CYB5R4: variants seen among roughly 807,000 people sequenced by gnomAD.
CYB5R4 encodes cytochrome b5 reductase 4, also known as N-terminal cytochrome b5 and cytochrome b5 oxidoreductase domain-containing protein.
CYB5R4 carries 55 observed loss-of-function variants against 70.2 expected under a neutral mutation model. The ratio of observed to expected loss-of-function variants is 0.78; its 90% confidence interval spans 0.63 to 0.98. The LOEUF is 0.98. Ranked by LOEUF, CYB5R4 falls within the 50% of genes least tolerant of loss-of-function variation. CYB5R4 has a pLI of 0.00. For missense variants in CYB5R4, 562 were observed against 612.6 expected (o/e 0.92, Z 0.87); for synonymous variants, 197 against 199.5 (o/e 0.99, Z 0.11).
At chr6:83,870,000 T>C (rs2099457316) in intron 2 of CYB5R4, among the ~76,000 whole-genome samples, 1 of 152,220 alleles carries the variant, frequency 6.6e-6, no homozygotes, top group Admixed American at 6.5e-5. Flanking sequence ...TAGGTTTCAT[T>C]CAGACCTGAG....
At position 83,859,861 on chromosome 6, in the gene CYB5R4, A is replaced by G. The variant is rs778739300; in HGVS notation, c.75+4A>G. On this transcript the variant is annotated splice_donor_region_variant and intron_variant, in intron 1 of 15. Coordinates refer to ENST00000369681, the MANE Select transcript of CYB5R4 (RefSeq NM_016230.4). The stretch of plus-strand genomic sequence containing the variant: ...CGCCTCCGGGGGGCGTAGCAAGGTA[A>G]GCGGGTGGCTCCGTGAGTCTCTCCC... The G allele has an allele frequency of 1.9e-6, 3 of 1,610,510 alleles. No homozygotes were observed. The African/African-American group carries it at 4.0e-5, about 22-fold the overall frequency.
Position 83,864,263 on chromosome 6 carries a change from T to C in CYB5R4, c.164T>C (p.Ile55Thr). 6.2e-7 allele frequency: 1 copy of C among 1,613,556 alleles called. No individual in the cohort carries two copies. The highest frequency in any genetic ancestry group is 1.1e-5 in the South Asian group (1 of 91,048). The change falls in exon 2 of 16, where the codon ATT (isoleucine) becomes ACT (threonine). Residue 55 changes from isoleucine to threonine, a missense_variant. Ile to Thr is a moderately conservative substitution (Grantham distance 89). Coordinates refer to ENST00000369681, the MANE Select transcript of CYB5R4 (RefSeq NM_016230.4). Reference sequence around the variant, plus strand: ...CTAACGGGATTAAAAGGCAGGTTAATTGAAGTAACTGAAGAAGAACTTAAG... The same window carrying C: ...CTAACGGGATTAAAAGGCAGGTTAACTGAAGTAACTGAAGAAGAACTTAAG... ...KDLTGLKGRL[I>T]EVTEEELKKH...
chr6:83,862,374 G>A (rs538232034), intron 1 of CYB5R4, among the ~76,000 whole-genome samples: 1 of 152,340 alleles, frequency 6.6e-6, no homozygotes, highest in South Asian at 2.1e-4. Flanking sequence ...TAGGTTGCAT[G>A]AAATAGTGAA....
intron 2 of CYB5R4, among the ~76,000 whole-genome samples, chr6:83,884,363 A>T (rs901029148): frequency 1.3e-5 from 2 of 152,076 alleles, no homozygotes; most frequent in African/African-American, 4.8e-5. Flanking sequence ...TCCAGCTAGT[A>T]AATTTTATTA....
At chr6:83,948,051 C>T (rs2099470914) in intron 14 of CYB5R4, among the ~76,000 whole-genome samples, 1 of 152,172 alleles carries the variant, frequency 6.6e-6, no homozygotes, top group Admixed American at 6.5e-5. Context: ...AATCATTCTA[C>T]TGTAAAGATA....
At chr6:83,911,248 TA>T (rs956370581) in intron 4 of CYB5R4, among the ~76,000 whole-genome samples, 3 of 151,074 alleles carry the variant, frequency 2.0e-5, no homozygotes, top group East Asian at 3.9e-4. Flanking sequence ...CTACAAAAAT[TA>T]AAAAAAAATT....
At chr6:83,922,879 C>G (rs2099466622) in intron 9 of CYB5R4, among the ~76,000 whole-genome samples, 1 of 152,088 alleles carries the variant, frequency 6.6e-6, no homozygotes, top group Non-Finnish European at 1.5e-5. Context: ...ACCTCTGCCT[C>G]TCAGGCTGAA....
chr6:83,893,115 A>AT (rs2099461386), intron 2 of CYB5R4, among the ~76,000 whole-genome samples: 1 of 152,188 alleles, frequency 6.6e-6, no homozygotes, highest in South Asian at 2.1e-4. Flanking sequence ...CTTATAAAAG[A>AT]TTCCAGTTTC....
chr6:83,877,590 C>T (rs943892600), intron 2 of CYB5R4, among the ~76,000 whole-genome samples: 1 of 152,040 alleles, frequency 6.6e-6, no homozygotes, highest in Non-Finnish European at 1.5e-5. Flanking sequence ...CTCCTTTTGA[C>T]AATCGGCTTT....
chr6:83,930,184 A>G (rs531174859), intron 10 of CYB5R4, among the ~76,000 whole-genome samples: 2 of 152,286 alleles, frequency 1.3e-5, no homozygotes, highest in South Asian at 4.1e-4. Context: ...CTCGATGCTG[A>G]TGATTGGTGA....
In CYB5R4 at chr6:83,965,194, A is replaced by G. The variant is rs1197439597; in HGVS notation, c.*5316A>G. 4 of 152,204 alleles carry G rather than the reference A, an allele frequency of 2.6e-5. No homozygotes were observed. Among genetic ancestry groups the G allele is most frequent in the Non-Finnish European group, 4.4e-5 (3 of 68,078 alleles). The allele number at this position is 152,204 out of a possible 1,614,324, so 9.4% of individuals were successfully genotyped here. The stretch of plus-strand genomic sequence containing the variant: ...GGACCACTGTCCTCCAGACCCCAGA[A>G]TGGTAGATCGACTTACAGCTTGTAC... On this transcript the variant is annotated 3_prime_UTR_variant, in exon 16 of 16. Transcript: ENST00000369681.
intron 3 of CYB5R4, among the ~76,000 whole-genome samples, chr6:83,894,098 A>G (rs1245920083): frequency 6.6e-6 from 1 of 152,222 alleles, no homozygotes; most frequent in African/African-American, 2.4e-5. Flanking sequence ...GCCGATGGTG[A>G]TTAATGAATA....
chr6:83,873,047 T>C (rs1446544159), intron 2 of CYB5R4, among the ~76,000 whole-genome samples: 1 of 152,168 alleles, frequency 6.6e-6, no homozygotes, highest in Admixed American at 6.5e-5. Flanking sequence ...ACTTAAACTA[T>C]AGACTGTGCT....
intron 4 of CYB5R4, among the ~76,000 whole-genome samples, chr6:83,909,553 A>T (rs995243677): frequency 1.3e-5 from 2 of 152,076 alleles, no homozygotes; most frequent in Admixed American, 1.3e-4. Context: ...TAGCTCTGAG[A>T]TGGAAGAGGG....
chr6:83,966,377 A>G lies in CYB5R4; in HGVS notation c.*6499A>G, dbSNP rs1309033922. ...ATTATATAAGAAGAAAAGAGTAAAA[A>G]TAAATCTTTAAAAAAATAAAAATAA... On this transcript the variant is annotated 3_prime_UTR_variant, in exon 16 of 16. Transcript: ENST00000369681. 1 of 152,188 alleles carries G rather than the reference A, an allele frequency of 6.6e-6. No individual in the cohort carries two copies. The highest frequency in any genetic ancestry group is 2.4e-5 in the African/African-American group (1 of 41,452). The allele number at this position is 152,188 out of a possible 1,614,324, so 9.4% of individuals were successfully genotyped here.
chr6:83,951,896 G>A (rs2099471597), intron 14 of CYB5R4, among the ~76,000 whole-genome samples: 1 of 152,128 alleles, frequency 6.6e-6, no homozygotes, highest in African/African-American at 2.4e-5. Context: ...TTGCACTCCT[G>A]CCAACAGTGT....
At position 83,961,886 on chromosome 6, in the gene CYB5R4, TTTTA is replaced by T. The variant is rs2099473399; in HGVS notation, c.*2014_*2017del. 6.6e-6 allele frequency: 1 copy of T among 151,114 alleles called. No individual in the cohort carries two copies. Among genetic ancestry groups the T allele is most frequent in the Non-Finnish European group, 1.5e-5 (1 of 67,820 alleles). The allele number at this position is 151,114 out of a possible 1,614,324, so 9.4% of individuals were successfully genotyped here. Reference sequence around the variant, plus strand: ...TTTATGTTTTATATTTTTGTTTATATTTTATTTATATTTTGTTTATATTTTGTTA... The same window carrying T: ...TTTATGTTTTATATTTTTGTTTATATTTTATATTTTGTTTATATTTTGTTA... On this transcript the variant is annotated 3_prime_UTR_variant, in exon 16 of 16. Coordinates refer to ENST00000369681, the MANE Select transcript of CYB5R4 (RefSeq NM_016230.4).
In CYB5R4 at chr6:83,931,766, T is replaced by A. The variant is rs574971196; in HGVS notation, c.815-2829T>A. Among the ~76,000 whole-genome samples the A allele has an allele frequency of 3.3e-5, 5 of 150,624 alleles. No homozygotes were observed. The South Asian group carries it at 1.0e-3, about 31-fold the overall frequency. ...GTGCAGGCTGAAGTAGTCAGTGCCATCTGCTTTATACTTCTTTTTTGTTTA... is the reference window on the plus strand; with the variant it reads ...GTGCAGGCTGAAGTAGTCAGTGCCAACTGCTTTATACTTCTTTTTTGTTTA... On this transcript the variant is annotated intron_variant, in intron 10 of 15. Transcript: ENST00000369681.
intron 2 of CYB5R4, among the ~76,000 whole-genome samples, chr6:83,889,569 T>C (rs1183206750): frequency 6.6e-6 from 1 of 152,212 alleles, no homozygotes; most frequent in African/African-American, 2.4e-5. Flanking sequence ...AAAAAGTTTC[T>C]TTTCAAATTA....
Sources: allele counts gnomAD v4.1 joint callset (sites outside exome capture counted in the v4.1 genomes callset), GRCh38; gene constraint gnomAD v4.1.1; transcripts MANE v1.5; gene names NCBI Gene and HGNC (gene_info 2026-07-23, HGNC 2026-07-21).